NOTCH2: variants seen among roughly 807,000 people sequenced by gnomAD.
NOTCH2 encodes notch receptor 2.
In NOTCH2, 29 loss-of-function variants were observed where a neutral mutation model predicts 235.8. The observed-to-expected ratio is 0.12, with a 90% CI of 0.09 to 0.17. The LOEUF (loss-of-function observed/expected upper bound fraction) is 0.17. NOTCH2 is among the 10% of genes least tolerant of loss of function. The pLI is 1.00. For missense variants in NOTCH2, 2,285 were observed against 3,150.2 expected (o/e 0.73, Z 6.57); for synonymous variants, 1,086 against 1,141.5 (o/e 0.95, Z 0.98).
At chr1:119,999,963 G>GAA (rs1652666460) in intron 3 of NOTCH2, among the ~76,000 whole-genome samples, 1 of 128,040 alleles carries the variant, frequency 7.8e-6, no homozygotes, top group Non-Finnish European at 1.6e-5. Flanking sequence ...AAGAAAGAAA[G>GAA]AAAGAAAGAA....
chr1:119,966,603 A>T, intron 8 of NOTCH2, 114 bp from the exon 9 acceptor site: 1 of 772,026 alleles, frequency 1.3e-6, no homozygotes, highest in Non-Finnish European at 2.3e-6. Flanking sequence ...ACATTTCTGC[A>T]GAGAAAAAAG....
intron 5 of NOTCH2, among the ~76,000 whole-genome samples, chr1:119,974,382 T>C (rs782436035): frequency 4.6e-5 from 7 of 152,216 alleles, no homozygotes; most frequent in Non-Finnish European, 1.0e-4. Flanking sequence ...TAGGCTCTTA[T>C]TTCCTATGGG....
In NOTCH2 at chr1:119,969,667, G is replaced by A. The variant is rs782230202; in HGVS notation, c.952C>T (p.Arg318Cys). Reference protein sequence around the residue: ...ACQNGGTCANRNGGYGCVCVN... With the variant: ...ACQNGGTCANCNGGYGCVCVN... The stretch of plus-strand genomic sequence containing the variant: ...CATACACAGCCATAGCCTCCATTGC[G>A]GTTGGCACAGGTGCCCCCATTTTGA... The change falls in exon 6 of 34, where the codon CGC becomes TGC. Residue 318 changes from arginine to cysteine, a missense_variant. By Grantham distance (180) the Arg-to-Cys change is radical (BLOSUM62 -3). Transcript: ENST00000256646. 8 of 1,613,984 alleles carry A rather than the reference G, an allele frequency of 5.0e-6. No individual in the cohort carries two copies. In the African/African-American group the frequency reaches 5.3e-5, roughly 11 times the overall value.
At chr1:120,046,096 G>T (rs1431578761) in intron 1 of NOTCH2, among the ~76,000 whole-genome samples, 1 of 147,112 alleles carries the variant, frequency 6.8e-6, no homozygotes, top group Non-Finnish European at 1.5e-5. Context: ...TTTTTTAAGG[G>T]TTTGAAGGGT....
intron 5 of NOTCH2, 77 bp downstream of exon 5, chr1:119,986,883 T>C: frequency 1.9e-6 from 3 of 1,595,168 alleles, no homozygotes; most frequent in South Asian, 2.2e-5. Context: ...TATTTGTTAC[T>C]GATATTTTAA....
intron 14 of NOTCH2, among the ~76,000 whole-genome samples, chr1:119,951,187 T>C (rs1285881699): frequency 6.6e-6 from 1 of 152,206 alleles, no homozygotes; most frequent in African/African-American, 2.4e-5. Flanking sequence ...GTCTCACTCT[T>C]GTCATTCAGG....
At position 119,965,476 on chromosome 1, in the gene NOTCH2, C is replaced by G; in HGVS notation, c.1658G>C (p.Gly553Ala). The G allele has an allele frequency of 1.9e-6, 3 of 1,613,768 alleles. No homozygotes were observed. The highest frequency in any genetic ancestry group is 2.5e-6 in the Non-Finnish European group (3 of 1,179,674). Reference sequence around the variant, plus strand: ...ACCTGTGGCACACTGGCATTCATAGCCATTCGGGTGATCGATACACTTTGC... The same window carrying G: ...ACCTGTGGCACACTGGCATTCATAGGCATTCGGGTGATCGATACACTTTGC... ...NGAKCIDHPNGYECQCATGFT... is the reference protein window; with the variant it reads ...NGAKCIDHPNAYECQCATGFT... Residue 553 changes from glycine to alanine, a missense_variant, in exon 10 of 34, where the codon GGC becomes GCC. Gly to Ala is a moderately conservative substitution (Grantham distance 60). This residue lies in a region of NOTCH2 where 431 missense variants were observed against 757.8 expected (regional missense o/e 0.57). Transcript: ENST00000256646.
Position 119,912,037 on chromosome 1 carries a change from T to TA in NOTCH2, c.*3268dup, listed in dbSNP as rs1421485508. 4.3e-6 allele frequency: 1 copy of TA among 233,512 alleles called. No homozygotes were observed. The highest frequency in any genetic ancestry group is 8.5e-6 in the Non-Finnish European group (1 of 118,026). The allele number at this position is 233,512 out of a possible 1,614,324, so 14.5% of individuals were successfully genotyped here. A position where few individuals can be genotyped will look rare whatever the true frequency, so the allele number is the denominator to read the frequency against. Reference sequence around the variant, plus strand: ...AGGCCATGGATGCAGTATTGGAAAATAAAAAATACAACACCACTGAGCTTG... The same window carrying TA: ...AGGCCATGGATGCAGTATTGGAAAATAAAAAAATACAACACCACTGAGCTTG... On this transcript the variant is annotated 3_prime_UTR_variant, in exon 34 of 34. Coordinates refer to ENST00000256646, the MANE Select transcript of NOTCH2 (RefSeq NM_024408.4).
At chr1:119,918,336 G>A (rs587684031) in intron 32 of NOTCH2, 70 bp downstream of exon 32, 24 of 1,560,160 alleles carry the variant, frequency 1.5e-5, no homozygotes, top group South Asian at 1.1e-4. Context: ...TAAGGGTCAC[G>A]TAACTCTATT....
chr1:120,069,413 G>A lies in NOTCH2; in HGVS notation c.-7C>T, dbSNP rs1655670443. On this transcript the variant is annotated 5_prime_UTR_variant, in exon 1 of 34. An upstream open reading frame in the 5' UTR gains an earlier in-frame stop. Coordinates refer to ENST00000256646, the MANE Select transcript of NOTCH2 (RefSeq NM_024408.4). ...CGGGGCGCAGGGCGGGCATCTTCTC[G>A]GTCGCCTCCTCCTCCGCCGCCGCCG... 2 of 1,542,316 alleles carry A rather than the reference G, an allele frequency of 1.3e-6. No homozygotes were observed. The highest frequency in any genetic ancestry group is 1.9e-5 in the Admixed American group (1 of 53,038).
intron 22 of NOTCH2, among the ~76,000 whole-genome samples, chr1:119,932,802 CATAAAGAAATTCTGAAGGAT>C (rs1333524173): frequency 6.6e-6 from 1 of 152,048 alleles, no homozygotes; most frequent in African/African-American, 2.4e-5. Flanking sequence ...CTTCTCTCTA[CATAAAGAAATTCTGAAGGAT>C]ACAGTTTTTG....
rs587687961 is a variant in NOTCH2 at position 120,003,465 on chromosome 1, C to T, written c.415+1864G>A. ...CCATTAGTTCCATCCCTCTAGAGAACCCTAATACAATGAAAAATTAATATA... is the reference window on the plus strand; with the variant it reads ...CCATTAGTTCCATCCCTCTAGAGAATCCTAATACAATGAAAAATTAATATA... On this transcript the variant is annotated intron_variant, in intron 3 of 33. Coordinates refer to ENST00000256646, the MANE Select transcript of NOTCH2 (RefSeq NM_024408.4). Among the ~76,000 whole-genome samples the T allele has an allele frequency of 2.1e-4, 32 of 151,364 alleles. No individual in the cohort carries two copies. In the South Asian group the frequency reaches 6.3e-3, roughly 30 times the overall value.
intron 17 of NOTCH2, 27 bp downstream of exon 17, chr1:119,948,387 G>A: frequency 6.2e-7 from 1 of 1,613,432 alleles, no homozygotes; most frequent in Non-Finnish European, 8.5e-7. Context: ...CTCCTCTGGG[G>A]GCTTAAGAGC....
At position 119,916,315 on chromosome 1, in the gene NOTCH2, C is replaced by T. The variant is rs1649067575; in HGVS notation, c.6407G>A (p.Ser2136Asn). Reference protein sequence around the residue: ...AKGSRRKKSLSEKVQLSESSV... With the variant: ...AKGSRRKKSLNEKVQLSESSV... ...ACTCTCAGACAGTTGGACCTTCTCA[C>T]TCAGAGACTTCTTCCTCCTACTACC... Residue 2136 changes from serine to asparagine, a missense_variant, in exon 34 of 34, where the codon AGT becomes AAT. Around this residue, in one of 6 missense-constraint regions of NOTCH2, gnomAD observed 504 missense variants for 538.0 expected, o/e 0.94. Transcript: ENST00000256646. The T allele has an allele frequency of 8.7e-6, 14 of 1,614,212 alleles. No homozygotes were observed. The highest frequency in any genetic ancestry group is 1.2e-5 in the Non-Finnish European group (14 of 1,180,030).
rs587712337 is a variant in NOTCH2, at chr1:119,986,417, T to G, written c.874+543A>C. ...AGGCAGAAAAAACTATTTTTGTTCG[T>G]GTACAAAAAGGGATAGAAGAAAAAA... On this transcript the variant is annotated intron_variant, in intron 5 of 33. Coordinates refer to ENST00000256646, the MANE Select transcript of NOTCH2 (RefSeq NM_024408.4). Among the ~76,000 whole-genome samples the G allele has an allele frequency of 1.8e-4, 27 of 152,288 alleles. No homozygotes were observed. The South Asian group carries it at 5.2e-3, about 29-fold the overall frequency.
chr1:119,943,773 A>G (rs1650153208), intron 17 of NOTCH2, among the ~76,000 whole-genome samples: 1 of 152,204 alleles, frequency 6.6e-6, no homozygotes, highest in Admixed American at 6.5e-5. Flanking sequence ...AAAAGTAGGT[A>G]AGGACAATAA....
At chr1:119,949,621 C>T (rs587607915) in intron 15 of NOTCH2, among the ~76,000 whole-genome samples, 3 of 152,146 alleles carry the variant, frequency 2.0e-5, no homozygotes, top group South Asian at 4.1e-4. Flanking sequence ...CTCCTGACCT[C>T]GTGATCCGCC....
intron 5 of NOTCH2, among the ~76,000 whole-genome samples, chr1:119,979,059 C>T (rs181055403): frequency 5.6e-4 from 86 of 152,238 alleles, no homozygotes; most frequent in Admixed American, 1.2e-3. Flanking sequence ...GACATGTTTA[C>T]GTTCTACAAA....
At chr1:119,951,696 A>C (rs1209277750) in intron 14 of NOTCH2, among the ~76,000 whole-genome samples, 1 of 152,260 alleles carries the variant, frequency 6.6e-6, no homozygotes, top group Non-Finnish European at 1.5e-5. Flanking sequence ...GAGATAGCAC[A>C]GTACCCAAAT....
Sources: gnomAD v4.1 joint callset for allele counts (sites outside exome capture counted in the v4.1 genomes callset) on GRCh38, gnomAD v4.1.1 for gene constraint, gnomAD v4.1.1 regional missense constraint, MANE v1.5 for transcripts, NCBI Gene and HGNC (gene_info 2026-07-23, HGNC 2026-07-21) for gene names.